Variants in GUCY1A2 observed in about 807,000 individuals in gnomAD.
GUCY1A2 encodes guanylate cyclase 1 soluble subunit alpha 2.
In GUCY1A2, 27 loss-of-function variants were observed where a neutral mutation model predicts 63.5. The observed-to-expected ratio is 0.43, with a 90% CI of 0.31 to 0.59. GUCY1A2 has a LOEUF of 0.59. Among genes scored for constraint, GUCY1A2 ranks in the 20% least tolerant of loss-of-function variants. GUCY1A2 has a pLI of 0.11. For synonymous variants in GUCY1A2, 364 were observed against 343.5 expected (o/e 1.06, Z -0.66); for missense variants, 768 against 913.3 (o/e 0.84, Z 2.05).
chr11:106,760,502 T>C (rs185069580), intron 6 of GUCY1A2, among the ~76,000 whole-genome samples: 14 of 152,318 alleles, frequency 9.2e-5, no homozygotes, highest in South Asian at 4.1e-4. Context: ...GTTTTTCACT[T>C]TTTAATACAT....
rs190801725 is a variant in GUCY1A2, at chr11:106,975,771, C to G, written c.487+2848G>C. Among the ~76,000 whole-genome samples, 70 of 152,282 alleles carry G rather than the reference C, an allele frequency of 4.6e-4. 1 individual carries two copies. The highest frequency in any genetic ancestry group is 2.6e-3 in the Admixed American group (40 of 15,292). On this transcript the variant is annotated intron_variant, in intron 3 of 7. Coordinates refer to ENST00000526355, the MANE Select transcript of GUCY1A2 (RefSeq NM_000855.3). The stretch of plus-strand genomic sequence containing the variant: ...CCCATTACTCCAGAGGCATGAAACA[C>G]CTTGTAGGGCACAACATGTGCTCCC...
At chr11:106,785,843 T>G (rs1178134543) in intron 5 of GUCY1A2, among the ~76,000 whole-genome samples, 2 of 150,192 alleles carry the variant, frequency 1.3e-5, no homozygotes, top group African/African-American at 4.9e-5. Flanking sequence ...TGAAGTGAGT[T>G]AAAAATAGTA....
chr11:106,694,747 T>C (rs1862687485), intron 7 of GUCY1A2, among the ~76,000 whole-genome samples: 1 of 152,190 alleles, frequency 6.6e-6, no homozygotes, highest in Admixed American at 6.5e-5. Flanking sequence ...ACCTAGACTA[T>C]TACAGTTCCC....
chr11:106,950,325 C>T (rs557478943), intron 3 of GUCY1A2, among the ~76,000 whole-genome samples: 4 of 152,174 alleles, frequency 2.6e-5, no homozygotes, highest in Non-Finnish European at 5.9e-5. Context: ...AGAGAAGACA[C>T]AAAGCCAGCA....
chr11:106,721,337 G>T (rs1863313238), intron 6 of GUCY1A2, among the ~76,000 whole-genome samples: 1 of 152,166 alleles, frequency 6.6e-6, no homozygotes, highest in South Asian at 2.1e-4. Flanking sequence ...GGGATTACAG[G>T]AGTGAGCCAC....
chr11:106,878,539 T>C (rs1859782116), intron 4 of GUCY1A2, among the ~76,000 whole-genome samples: 1 of 151,860 alleles, frequency 6.6e-6, no homozygotes, highest in Admixed American at 6.6e-5. Flanking sequence ...GAAAATCAAA[T>C]ACTGCATGTT....
In GUCY1A2 at chr11:106,937,742, C is replaced by T. The variant is rs528193337; in HGVS notation, c.1206+1718G>A. ...ACATACATATAATATACATATGTGACAATTTGTATTTAAAACATCATATGA... is the reference window on the plus strand; with the variant it reads ...ACATACATATAATATACATATGTGATAATTTGTATTTAAAACATCATATGA... On this transcript the variant is annotated intron_variant, in intron 4 of 7. Coordinates refer to ENST00000526355, the MANE Select transcript of GUCY1A2 (RefSeq NM_000855.3). Among the ~76,000 whole-genome samples the T allele has an allele frequency of 1.4e-4, 22 of 152,258 alleles. No individual in the cohort carries two copies. The South Asian group carries it at 4.4e-3, about 30-fold the overall frequency.
intron 5 of GUCY1A2, among the ~76,000 whole-genome samples, chr11:106,791,652 T>G (rs1864662772): frequency 6.6e-6 from 1 of 152,172 alleles, no homozygotes; most frequent in South Asian, 2.1e-4. Flanking sequence ...TCTACGGAAT[T>G]ACTATCTTTT....
chr11:106,710,590 T>TTGA (rs1228956561), intron 6 of GUCY1A2, among the ~76,000 whole-genome samples: 1 of 151,120 alleles, frequency 6.6e-6, no homozygotes, highest in Non-Finnish European at 1.5e-5. Context: ...TCAATAGGCA[T>TTGA]TGATTAAAAA....
chr11:106,970,625 A>G (rs1432478549), intron 3 of GUCY1A2, among the ~76,000 whole-genome samples: 1 of 152,166 alleles, frequency 6.6e-6, no homozygotes, highest in South Asian at 2.1e-4. Context: ...AGTCTCATTC[A>G]TTGCTTTTGG....
chr11:106,710,616 T>G (rs1350573298), intron 6 of GUCY1A2, among the ~76,000 whole-genome samples: 1 of 151,400 alleles, frequency 6.6e-6, no homozygotes, highest in African/African-American at 2.4e-5. Flanking sequence ...AAGAGTAAAT[T>G]AAGTGCTGTG....
chr11:106,868,682 CA>C (rs571542371), intron 4 of GUCY1A2, among the ~76,000 whole-genome samples: 139 of 152,184 alleles, frequency 9.1e-4, no homozygotes, highest in African/African-American at 3.2e-3. Flanking sequence ...CCCTACTGCC[CA>C]AGGTAATTTA....
chr11:106,999,020 TG>T (rs1232431415), intron 1 of GUCY1A2, among the ~76,000 whole-genome samples: 3 of 152,160 alleles, frequency 2.0e-5, no homozygotes, highest in Non-Finnish European at 2.9e-5. Flanking sequence ...CAGAGTCTTG[TG>T]GGGCCAGACA....
At chr11:106,781,336 C>T (rs1864459914) in intron 5 of GUCY1A2, among the ~76,000 whole-genome samples, 1 of 152,078 alleles carries the variant, frequency 6.6e-6, no homozygotes, top group South Asian at 2.1e-4. Flanking sequence ...AATGCTTATG[C>T]AAATGTCTGA....
In GUCY1A2 at chr11:106,940,032, T is replaced by C; in HGVS notation, c.634A>G (p.Thr212Ala). The C allele has an allele frequency of 6.2e-7, 1 of 1,613,920 alleles. No individual in the cohort carries two copies. The highest frequency in any genetic ancestry group is 8.5e-7 in the Non-Finnish European group (1 of 1,179,892). The change falls in exon 4 of 8, where the codon ACT becomes GCT. Residue 212 changes from threonine to alanine, a missense_variant. Coordinates refer to ENST00000526355, the MANE Select transcript of GUCY1A2 (RefSeq NM_000855.3). ...GFDALLEHIR[T>A]SFGKQATLES... ...AGAGTGGCCTGTTTTCCAAAAGAAG[T>C]TCTAATGTGTTCCAACAAAGCATCA...
intron 4 of GUCY1A2, among the ~76,000 whole-genome samples, chr11:106,855,026 C>A (rs1352149014): frequency 6.6e-6 from 1 of 152,082 alleles, no homozygotes; most frequent in Non-Finnish European, 1.5e-5. Context: ...ATAAGTGGGA[C>A]TTTGGGGATG....
intron 4 of GUCY1A2, among the ~76,000 whole-genome samples, chr11:106,825,808 A>G (rs181611289): frequency 6.6e-6 from 1 of 152,322 alleles, no homozygotes; most frequent in South Asian, 2.1e-4. Flanking sequence ...AAAGTTTACA[A>G]ATTTGTGTTG....
chr11:106,704,567 A>T (rs1391570855), intron 7 of GUCY1A2, among the ~76,000 whole-genome samples: 1 of 152,210 alleles, frequency 6.6e-6, no homozygotes, highest in Non-Finnish European at 1.5e-5. Context: ...GAAGCCTTTC[A>T]CAGTCAATTA....
chr11:106,735,273 C>T (rs552742339), intron 6 of GUCY1A2, among the ~76,000 whole-genome samples: 2 of 152,150 alleles, frequency 1.3e-5, no homozygotes, highest in South Asian at 4.1e-4. Flanking sequence ...ATTAGCCAAC[C>T]CCATTTTCCT....
Sources: allele counts gnomAD v4.1 joint callset (sites outside exome capture counted in the v4.1 genomes callset), GRCh38; gene constraint gnomAD v4.1.1; transcripts MANE v1.5; gene names NCBI Gene and HGNC (gene_info 2026-07-23, HGNC 2026-07-21).